The following PLD5 variants were observed in gnomAD, a reference collection of about 807,000 sequenced individuals.
PLD5 encodes the protein phospholipase D family member 5, also known as inactive phospholipase D5.
In PLD5, 36 loss-of-function variants were observed where a neutral mutation model predicts 61.1. That is an observed-to-expected ratio of 0.59 (90% CI 0.45 to 0.78). PLD5 has a LOEUF of 0.78. PLD5 is among the 30% of genes least tolerant of loss of function. The pLI is 0.00. For synonymous variants in PLD5, 243 were observed against 242.8 expected (o/e 1.00, Z -0.01); for missense variants, 515 against 644.4 (o/e 0.80, Z 2.17).
chr1:242,275,498 G>A (rs952788182), intron 3 of PLD5, among the ~76,000 whole-genome samples: 2 of 152,118 alleles, frequency 1.3e-5, no homozygotes, highest in African/African-American at 4.8e-5. Context: ...ATTCTCAAAT[G>A]ACCTTGGATA....
intron 5 of PLD5, among the ~76,000 whole-genome samples, chr1:242,163,053 A>G (rs188812308): frequency 3.9e-5 from 6 of 152,174 alleles, no homozygotes; most frequent in African/African-American, 7.2e-5. Context: ...TGTTATAAAC[A>G]TCTCAGGACT....
chr1:242,117,099 C>T (rs1266865306), intron 6 of PLD5, among the ~76,000 whole-genome samples: 1 of 152,156 alleles, frequency 6.6e-6, no homozygotes, highest in Non-Finnish European at 1.5e-5. Flanking sequence ...AAATATACAT[C>T]ACTCCCAGGA....
Position 242,487,213 on chromosome 1 carries a change from A to AC in PLD5, c.189+36874_189+36875insG, listed in dbSNP as rs1392384898. On this transcript the variant is annotated intron_variant, in intron 1 of 9. Transcript: ENST00000536534. ...GTACCCTAAAACTTAAAGTATATAT[A>AC]TAAAAAAAAGTGACCAAAGAAAAAA... Among the ~76,000 whole-genome samples the AC allele has an allele frequency of 4.5e-3, 690 of 152,290 alleles. 6 individuals are homozygous for AC. The highest frequency in any genetic ancestry group is 0.016 in the African/African-American group (670 of 41,560).
intron 1 of PLD5, among the ~76,000 whole-genome samples, chr1:242,477,992 G>C (rs1667651529): frequency 6.6e-6 from 1 of 152,164 alleles, no homozygotes; most frequent in Admixed American, 6.5e-5. Context: ...AAATGTAAAG[G>C]TGTCCTTATT....
At position 242,101,632 on chromosome 1, in the gene PLD5, C is replaced by T. The variant is rs974105239; in HGVS notation, c.1240-850G>A. Among the ~76,000 whole-genome samples, 6 of 152,240 alleles carry T rather than the reference C, an allele frequency of 3.9e-5. No homozygotes were observed. In the South Asian group the frequency reaches 8.3e-4, roughly 21 times the overall value. On this transcript the variant is annotated intron_variant, in intron 8 of 9. Coordinates refer to ENST00000536534, the MANE Select transcript of PLD5 (RefSeq NM_001372062.1). ...GCGTGGAACCTTGTGGAATGTCTTA[C>T]AGCTATAGAATCGTGTATTTAAAGG...
At chr1:242,222,102 C>A (rs981024005) in intron 4 of PLD5, among the ~76,000 whole-genome samples, 2 of 151,984 alleles carry the variant, frequency 1.3e-5, no homozygotes, top group African/African-American at 4.8e-5. Flanking sequence ...TCATCTCTGC[C>A]TCTGTTGTCC....
chr1:242,333,438 G>C (rs1659311681), intron 2 of PLD5, among the ~76,000 whole-genome samples: 1 of 152,108 alleles, frequency 6.6e-6, no homozygotes, highest in Non-Finnish European at 1.5e-5. Flanking sequence ...AAAGGTCTCT[G>C]TCTTCTGGGC....
chr1:242,497,114 G>A (rs1041762331), intron 1 of PLD5, among the ~76,000 whole-genome samples: 19 of 152,142 alleles, frequency 1.2e-4, no homozygotes, highest in African/African-American at 2.9e-4. Flanking sequence ...AGGGAGATAC[G>A]AAGTTCTATC....
chr1:242,451,295 A>C (rs10926739), intron 1 of PLD5, among the ~76,000 whole-genome samples: 1 of 152,014 alleles, frequency 6.6e-6, no homozygotes, highest in African/African-American at 2.4e-5. Flanking sequence ...ACTTACAGCA[A>C]TTTATCTTCT....
chr1:242,342,411 T>C (rs762969771), intron 2 of PLD5, among the ~76,000 whole-genome samples: 1 of 152,232 alleles, frequency 6.6e-6, no homozygotes, highest in Non-Finnish European at 1.5e-5. Context: ...TCAGCTCCAA[T>C]GTCTCTGCTG....
chr1:242,206,403 C>T (rs1317539015), intron 5 of PLD5, among the ~76,000 whole-genome samples: 1 of 152,132 alleles, frequency 6.6e-6, no homozygotes, highest in Non-Finnish European at 1.5e-5. Context: ...CAGGGTTCTC[C>T]AGAGAAGCAG....
At chr1:242,182,108 T>C (rs1234736720) in intron 5 of PLD5, among the ~76,000 whole-genome samples, 1 of 152,224 alleles carries the variant, frequency 6.6e-6, no homozygotes, top group South Asian at 2.1e-4. Flanking sequence ...CTGATCCATA[T>C]TTTAAAGGGA....
chr1:242,122,463 A>G (rs1044036771), intron 6 of PLD5, among the ~76,000 whole-genome samples: 1 of 152,170 alleles, frequency 6.6e-6, no homozygotes, highest in Non-Finnish European at 1.5e-5. Flanking sequence ...GATCTGATCA[A>G]GCGATCCACG....
chr1:242,083,924 G>A lies in PLD5; in HGVS notation c.*5930C>T, dbSNP rs1479713642. The A allele has an allele frequency of 2.0e-5, 3 of 152,274 alleles. No individual in the cohort carries two copies. Among genetic ancestry groups the A allele is most frequent in the East Asian group, 3.9e-4 (2 of 5,176 alleles). The allele number at this position is 152,274 out of a possible 1,614,324, so 9.4% of individuals were successfully genotyped here. A position where few individuals can be genotyped will look rare whatever the true frequency, so the allele number is the denominator to read the frequency against. ...AAACCATCTGTGTTTGTCTTGCAAG[G>A]GGCTCAGAATGTCTCATCTGCTTTT... On this transcript the variant is annotated 3_prime_UTR_variant, in exon 10 of 10. Transcript: ENST00000536534.
At chr1:242,426,689 C>T (rs1665446585) in intron 1 of PLD5, among the ~76,000 whole-genome samples, 1 of 152,220 alleles carries the variant, frequency 6.6e-6, no homozygotes, top group Admixed American at 6.5e-5. Context: ...CAGCTTAAAA[C>T]AGGAAATGCA....
In PLD5 at chr1:242,302,440, G is replaced by T. The variant is rs1203024514; in HGVS notation, c.327-13910C>A. On this transcript the variant is annotated intron_variant, in intron 2 of 9. Transcript: ENST00000536534. The stretch of plus-strand genomic sequence containing the variant: ...TTTTGAGAATTGCTCATTCTCAGCT[G>T]GGCATGGTGGCTCACACCTGTAATC... 2.0e-5 allele frequency among the ~76,000 whole-genome samples: 3 copies of T among 152,166 alleles called. No homozygotes were observed. In the East Asian group the frequency reaches 5.8e-4, roughly 29 times the overall value.
At chr1:242,117,455 C>T (rs1010446535) in intron 6 of PLD5, among the ~76,000 whole-genome samples, 2 of 151,856 alleles carry the variant, frequency 1.3e-5, no homozygotes, top group African/African-American at 4.8e-5. Flanking sequence ...AATCTCAGCT[C>T]ACTGCAACCT....
chr1:242,220,845 C>T (rs1670541369), intron 4 of PLD5, among the ~76,000 whole-genome samples: 1 of 151,646 alleles, frequency 6.6e-6, no homozygotes, highest in Non-Finnish European at 1.5e-5. Context: ...TAAGTGATTC[C>T]CTTGCCTCAG....
intron 4 of PLD5, among the ~76,000 whole-genome samples, chr1:242,241,673 C>T (rs1472952698): frequency 6.6e-6 from 1 of 151,744 alleles, no homozygotes; most frequent in Non-Finnish European, 1.5e-5. Flanking sequence ...CTACAGGCCA[C>T]TTGGTTATAA....
Sources: gnomAD v4.1 joint callset for allele counts (sites outside exome capture counted in the v4.1 genomes callset) on GRCh38, gnomAD v4.1.1 for gene constraint, MANE v1.5 for transcripts, NCBI Gene and HGNC (gene_info 2026-07-23, HGNC 2026-07-21) for gene names.